The following BCL7C variants were observed in gnomAD, a reference collection of about 807,000 sequenced individuals.
The protein encoded by BCL7C is B-cell CLL/lymphoma 7 protein family member C.
A neutral mutation model predicts 26.2 loss-of-function variants in BCL7C; 8 were observed. The ratio of observed to expected loss-of-function variants is 0.30; its 90% CI spans 0.18 to 0.55. BCL7C has a LOEUF of 0.55. Ranked by LOEUF, BCL7C falls within the 20% of genes least tolerant of loss-of-function variation. The pLI is 0.93. For synonymous variants in BCL7C, 90 were observed against 116.5 expected (o/e 0.77, Z 1.47); for missense variants, 262 against 298.5 (o/e 0.88, Z 0.90).
At chr16:30,840,217 T>G (rs76299288) in intron 5 of BCL7C, among the ~76,000 whole-genome samples, 2,566 of 146,404 alleles carry the variant, frequency 0.018, 66 homozygotes, top group African/African-American at 0.057. Context: ...CCAAGTTGTT[T>G]TTTTTTTTTT....
chr16:30,835,143 C>T, exon 6 of BCL7C: 1 of 1,506,290 alleles, frequency 6.6e-7, no homozygotes, highest in Non-Finnish European at 8.9e-7. Flanking sequence ...TTCTCACTCC[C>T]GAATCCTGTA....
chr16:30,854,772 T>C lies in BCL7C; in HGVS notation c.529-19624A>G, dbSNP rs2054705630. On this transcript the variant is annotated intron_variant, in intron 5 of 5. Transcript: ENST00000380317. ...CCCAGGCTGGAGTGCAGTGGCATGATCTCAGCTTACTGCAACCTCCGTCTC... is the reference window on the plus strand; with the variant it reads ...CCCAGGCTGGAGTGCAGTGGCATGACCTCAGCTTACTGCAACCTCCGTCTC... Among the ~76,000 whole-genome samples, 4 of 150,212 alleles carry C rather than the reference T, an allele frequency of 2.7e-5. No individual in the cohort carries two copies. In the South Asian group the frequency reaches 8.4e-4, roughly 31 times the overall value.
intron 5 of BCL7C, among the ~76,000 whole-genome samples, chr16:30,864,074 C>T (rs2054800780): frequency 1.3e-5 from 2 of 152,334 alleles, no homozygotes; most frequent in East Asian, 1.9e-4. Context: ...TCTAATCCTT[C>T]TTTAACAAAT....
chr16:30,887,496 A>C (rs914095201), downstream of BCL7C, among the ~76,000 whole-genome samples: 1 of 151,084 alleles, frequency 6.6e-6, no homozygotes, highest in African/African-American at 2.4e-5. Context: ...AAAAAAAAAA[A>C]AAGAATCATG....
chr16:30,880,904 G>A lies in BCL7C; in HGVS notation c.528+7956C>T, dbSNP rs534182204. On this transcript the variant is annotated intron_variant, in intron 5 of 5. Transcript: ENST00000380317. The stretch of plus-strand genomic sequence containing the variant: ...TTTTGTAGAGATGAGGTCTCACTAT[G>A]TTGCCCAGGATAGTCTTAAACTTCT... Among the ~76,000 whole-genome samples the A allele has an allele frequency of 3.3e-5, 5 of 152,074 alleles. No individual in the cohort carries two copies. In the South Asian group the frequency reaches 6.2e-4, roughly 19 times the overall value.
At chr16:30,884,870 A>G (rs1429663700), downstream of BCL7C, among the ~76,000 whole-genome samples, 1 of 152,186 alleles carries the variant, frequency 6.6e-6, no homozygotes, top group Non-Finnish European at 1.5e-5. Context: ...TGATACAACA[A>G]ATGAATGCAG....
At chr16:30,870,722 T>C (rs75618187) in intron 5 of BCL7C, among the ~76,000 whole-genome samples, 1 of 152,154 alleles carries the variant, frequency 6.6e-6, no homozygotes, top group Non-Finnish European at 1.5e-5. Context: ...AGAGATTTTA[T>C]AGATAAAGTA....
chr16:30,887,162 AGCCGGGC>A (rs2055145540), downstream of BCL7C, among the ~76,000 whole-genome samples: 1 of 152,066 alleles, frequency 6.6e-6, no homozygotes, highest in South Asian at 2.1e-4. Flanking sequence ...TACAAAAATT[AGCCGGGC>A]GTGGTGGCAG....
intron 5 of BCL7C, among the ~76,000 whole-genome samples, chr16:30,857,387 CA>C (rs71149059): frequency 0.68 from 61,524 of 90,388 alleles, 18,648 homozygotes; most frequent in East Asian, 0.84. Flanking sequence ...GACTCCATCT[CA>C]AAAAAAAAAA....
At chr16:30,866,467 C>T (rs2054829454) in intron 5 of BCL7C, among the ~76,000 whole-genome samples, 1 of 151,594 alleles carries the variant, frequency 6.6e-6, no homozygotes, top group South Asian at 2.1e-4. Context: ...GTCCCAGCTA[C>T]TCAGGGGGCT....
intron 5 of BCL7C, among the ~76,000 whole-genome samples, chr16:30,849,668 C>G (rs983766902): frequency 6.6e-6 from 1 of 151,904 alleles, no homozygotes; most frequent in Non-Finnish European, 1.5e-5. Flanking sequence ...CCAGGCTGGT[C>G]TTGAACTCCT....
At position 30,848,631 on chromosome 16, in the gene BCL7C, T is replaced by G. The variant is rs374001607; in HGVS notation, c.529-13483A>C. Among the ~76,000 whole-genome samples, 6 of 152,294 alleles carry G rather than the reference T, an allele frequency of 3.9e-5. No homozygotes were observed. The South Asian group carries it at 1.2e-3, about 32-fold the overall frequency. On this transcript the variant is annotated intron_variant, in intron 5 of 5. Coordinates refer to the BCL7C transcript ENST00000380317. Reference sequence around the variant, plus strand: ...GAGGCCAGGTGCGGTGACTCACACCTGTAATCCCAGCACTTTGGGAGGCCG... The same window carrying G: ...GAGGCCAGGTGCGGTGACTCACACCGGTAATCCCAGCACTTTGGGAGGCCG...
At chr16:30,875,330 G>C (rs957523401) in intron 5 of BCL7C, 1 of 153,494 alleles carries the variant, frequency 6.5e-6, no homozygotes, top group Non-Finnish European at 1.5e-5. Flanking sequence ...GGTTGCCCGA[G>C]GTCTCAGCCT....
chr16:30,868,380 G>A (rs1206920135), intron 5 of BCL7C, among the ~76,000 whole-genome samples: 3 of 147,600 alleles, frequency 2.0e-5, no homozygotes, highest in Non-Finnish European at 3.0e-5. Flanking sequence ...CTCCTGATCC[G>A]CCCACCTCGG....
chr16:30,889,543 G>A (rs1240516729), intron 4 of BCL7C, among the ~76,000 whole-genome samples: 2 of 152,060 alleles, frequency 1.3e-5, no homozygotes, highest in African/African-American at 2.4e-5. Flanking sequence ...AGGCTGGAGT[G>A]CAGTGGCGCG....
chr16:30,860,547 T>G (rs1434829408), intron 5 of BCL7C, among the ~76,000 whole-genome samples: 1 of 152,188 alleles, frequency 6.6e-6, no homozygotes, highest in Non-Finnish European at 1.5e-5. Flanking sequence ...CTTATTTTCT[T>G]CTGCAATACA....
At chr16:30,845,764 A>C (rs2054630642) in intron 5 of BCL7C, among the ~76,000 whole-genome samples, 1 of 149,934 alleles carries the variant, frequency 6.7e-6, no homozygotes, top group Non-Finnish European at 1.5e-5. Flanking sequence ...CCCAGGCTGG[A>C]GTACAGTGGT....
chr16:30,892,008 C>T (rs1161654270), intron 4 of BCL7C, among the ~76,000 whole-genome samples: 3 of 150,470 alleles, frequency 2.0e-5, no homozygotes, highest in African/African-American at 2.4e-5. Flanking sequence ...GGCTCACACC[C>T]GTAATCCCAG....
At chr16:30,869,205 TCATTA>T (rs2054860396) in intron 5 of BCL7C, among the ~76,000 whole-genome samples, 1 of 152,038 alleles carries the variant, frequency 6.6e-6, no homozygotes, top group Non-Finnish European at 1.5e-5. Context: ...CCTATAGCCT[TCATTA>T]TTTTATTTTG....
Sources: gnomAD v4.1 joint callset for allele counts (sites outside exome capture counted in the v4.1 genomes callset) on GRCh38, gnomAD v4.1.1 for gene constraint, MANE v1.5 for transcripts, NCBI Gene and HGNC (gene_info 2026-07-23, HGNC 2026-07-21) for gene names.